PDE6D: variants seen among roughly 807,000 people sequenced by gnomAD.
The protein encoded by PDE6D is phosphodiesterase 6D, also known as retinal rod rhodopsin-sensitive cGMP 3',5'-cyclic phosphodiesterase subunit delta.
In PDE6D, 10 loss-of-function variants were observed where a neutral mutation model predicts 21.9. The ratio of observed to expected loss-of-function variants is 0.46; its 90% confidence interval spans 0.28 to 0.78. The LOEUF (loss-of-function observed/expected upper bound fraction) is 0.78. Among genes scored for constraint, PDE6D ranks in the 30% least tolerant of loss-of-function variants. The pLI is 0.12. For synonymous variants in PDE6D, 59 were observed against 63.5 expected, an observed-to-expected ratio of 0.93 and a Z score of 0.34; for missense variants, 139 against 184.8, an observed-to-expected ratio of 0.75 and a Z score of 1.44.
chr2:231,765,724 T>C (rs1452097325), intron 1 of PDE6D, among the ~76,000 whole-genome samples: 3 of 152,142 alleles, frequency 2.0e-5, no homozygotes, highest in Non-Finnish European at 4.4e-5. Context: ...GGAGTTTCTA[T>C]TTGGTGGTAT....
At chr2:231,753,646 C>A (rs1459862599) in intron 1 of PDE6D, among the ~76,000 whole-genome samples, 1 of 151,910 alleles carries the variant, frequency 6.6e-6, no homozygotes, top group Non-Finnish European at 1.5e-5. Flanking sequence ...CTAGCTTTCA[C>A]ATAGATGAGC....
At chr2:231,748,121 G>T (rs1217984681) in intron 1 of PDE6D, among the ~76,000 whole-genome samples, 1 of 152,162 alleles carries the variant, frequency 6.6e-6, no homozygotes, top group East Asian at 1.9e-4. Flanking sequence ...TGAAAATGTG[G>T]AAGCAACTTT....
intron 1 of PDE6D, among the ~76,000 whole-genome samples, chr2:231,769,528 T>TCACA (rs754563740): frequency 6.8e-6 from 1 of 148,068 alleles, no homozygotes; most frequent in African/African-American, 2.5e-5. Context: ...TCTCTCTCTC[T>TCACA]CACACACACA....
At chr2:231,736,778 G>A (rs2048705722) in intron 4 of PDE6D, among the ~76,000 whole-genome samples, 1 of 152,116 alleles carries the variant, frequency 6.6e-6, no homozygotes, top group Non-Finnish European at 1.5e-5. Context: ...ACATAGATTC[G>A]GTATATATAT....
chr2:231,767,098 C>T (rs1235631692), intron 1 of PDE6D, among the ~76,000 whole-genome samples: 2 of 150,642 alleles, frequency 1.3e-5, no homozygotes, highest in Non-Finnish European at 3.0e-5. Flanking sequence ...ACAATTAATT[C>T]CCAGAAATGT....
intron 1 of PDE6D, among the ~76,000 whole-genome samples, chr2:231,748,710 C>T (rs775487407): frequency 2.6e-5 from 4 of 152,172 alleles, no homozygotes; most frequent in Admixed American, 6.5e-5. Flanking sequence ...AGTGGTTTCA[C>T]GGGCTGGGCC....
intron 2 of PDE6D, among the ~76,000 whole-genome samples, 177 bp downstream of exon 2, chr2:231,738,923 A>G: frequency 9.4e-6 from 1 of 106,764 alleles, no homozygotes; most frequent in African/African-American, 2.8e-5. Context: ...GTGTCTCAAA[A>G]AAAAAAAAAA....
chr2:231,753,073 C>A (rs1176480557), intron 1 of PDE6D, among the ~76,000 whole-genome samples: 1 of 148,664 alleles, frequency 6.7e-6, no homozygotes, highest in Non-Finnish European at 1.5e-5. Context: ...CCTCGTGATC[C>A]GCCCGCCTCG....
chr2:231,741,285 A>C (rs2048747492), intron 1 of PDE6D, among the ~76,000 whole-genome samples: 1 of 152,198 alleles, frequency 6.6e-6, no homozygotes, highest in African/African-American at 2.4e-5. Flanking sequence ...AATCAAATTC[A>C]AAAGGAACCC....
intron 1 of PDE6D, among the ~76,000 whole-genome samples, chr2:231,767,361 G>C (rs1017502102): frequency 6.6e-6 from 1 of 151,918 alleles, no homozygotes; most frequent in African/African-American, 2.4e-5. Flanking sequence ...CGTTGCCAAG[G>C]CTGGAGTGCA....
At chr2:231,780,328 G>A (rs1279885587) in intron 1 of PDE6D, among the ~76,000 whole-genome samples, 1 of 152,130 alleles carries the variant, frequency 6.6e-6, no homozygotes, top group East Asian at 1.9e-4. Flanking sequence ...CCCAGCGCGA[G>A]GCACCCCACA....
chr2:231,738,077 C>T lies in PDE6D; in HGVS notation c.201G>A (p.Ser67=), dbSNP rs764377846. Residue 67 remains serine, a synonymous_variant, in exon 3 of 5, where the codon TCG becomes TCA. Transcript: ENST00000287600. ...GGCGGAATTTTTCCATTTGTTCTGT[C>T]GAAGAAAAATTAAGTTCTCGAGACA... The part of the protein sequence containing the change: ...KAVSRELNFS[S]TEQMEKFRLE... 45 of 1,613,752 alleles carry T rather than the reference C, an allele frequency of 2.8e-5. 2 individuals carry two copies. Among genetic ancestry groups the T allele is most frequent in the Admixed American group, 2.5e-4 (15 of 59,986 alleles).
chr2:231,777,642 A>G (rs1011263612), intron 1 of PDE6D, among the ~76,000 whole-genome samples: 38 of 152,250 alleles, frequency 2.5e-4, no homozygotes, highest in African/African-American at 8.4e-4. Flanking sequence ...AAATGTGTAT[A>G]GGTACAAGAA....
chr2:231,758,862 C>T (rs1247253547), intron 1 of PDE6D, among the ~76,000 whole-genome samples: 1 of 152,112 alleles, frequency 6.6e-6, no homozygotes, highest in African/African-American at 2.4e-5. Context: ...AATGCTACTG[C>T]CCCAGGGACC....
Position 231,739,265 on chromosome 2 carries a change from TC to T in PDE6D, c.51-78del. 1 of 867,680 alleles carries T rather than the reference TC, an allele frequency of 1.2e-6. No individual in the cohort carries two copies. The highest frequency in any genetic ancestry group is 2.0e-6 in the Non-Finnish European group (1 of 500,938). 53.7% of individuals were successfully genotyped at this position (867,680 alleles called of 1,614,324 possible). A position where few individuals can be genotyped will look rare whatever the true frequency, so the allele number is the denominator to read the frequency against. On this transcript the variant is annotated intron_variant, in intron 1 of 4. Coordinates refer to ENST00000287600, the MANE Select transcript of PDE6D (RefSeq NM_002601.4). The surrounding 1 kb of genome is among the most constrained non-coding windows in gnomAD (Gnocchi z 4.2). ...TGTATTCTAGGTGTCTCATGTTTAC[TC>T]CCACCAACTCTTGTTTACTTTTTAA...
intron 4 of PDE6D, among the ~76,000 whole-genome samples, chr2:231,734,853 A>G (rs1267022463): frequency 6.9e-6 from 1 of 145,724 alleles, no homozygotes; most frequent in Admixed American, 6.8e-5. Flanking sequence ...TCTCAAAAAA[A>G]AAAACAAAAA....
At chr2:231,734,212 T>C (rs1276580529) in intron 4 of PDE6D, among the ~76,000 whole-genome samples, 2 of 151,258 alleles carry the variant, frequency 1.3e-5, no homozygotes, top group Non-Finnish European at 2.9e-5. Context: ...AGACTCTGTC[T>C]CAAAAAAAAT....
intron 1 of PDE6D, among the ~76,000 whole-genome samples, chr2:231,763,624 A>G: frequency 6.6e-6 from 1 of 151,916 alleles, no homozygotes; most frequent in East Asian, 1.9e-4. Flanking sequence ...TTTTTCTTTA[A>G]AAACTTTTTT....
Position 231,739,361 on chromosome 2 carries a change from A to C in PDE6D, c.51-173T>G. 1 of 733,834 alleles carries C rather than the reference A, an allele frequency of 1.4e-6. No individual in the cohort carries two copies. Among genetic ancestry groups the C allele is most frequent in the Non-Finnish European group, 2.5e-6 (1 of 397,954 alleles). 45.5% of individuals were successfully genotyped at this position (733,834 alleles called of 1,614,324 possible). On this transcript the variant is annotated intron_variant, in intron 1 of 4. Transcript: ENST00000287600. This position sits in a 1 kb window ranked among gnomAD's most constrained non-coding sequence, Gnocchi z 4.2. The stretch of plus-strand genomic sequence containing the variant: ...TGAGGAGAGTCAAAAAGACATCTAA[A>C]GGAAGAAGCAGAAACCTAGAGAAGT...
Sources: allele counts gnomAD v4.1 joint callset (sites outside exome capture counted in the v4.1 genomes callset), GRCh38; gene constraint gnomAD v4.1.1; non-coding constraint Gnocchi (gnomAD v3.1); transcripts MANE v1.5; gene names NCBI Gene and HGNC (gene_info 2026-07-23, HGNC 2026-07-21).